CTXND1: variants seen among roughly 807,000 people sequenced by gnomAD.
The protein encoded by CTXND1 is cortexin domain-containing 1 protein.
chr15:80,238,194 C>T (rs1284582138), intron 1 of CTXND1, among the ~76,000 whole-genome samples: 2 of 152,092 alleles, frequency 1.3e-5, no homozygotes, highest in Non-Finnish European at 2.9e-5. Flanking sequence ...ACCCACCACT[C>T]AGTCAATGAC....
At chr15:80,217,721 A>G (rs1295864351) in intron 1 of CTXND1, among the ~76,000 whole-genome samples, 1 of 151,756 alleles carries the variant, frequency 6.6e-6, no homozygotes, top group African/African-American at 2.4e-5. Context: ...TAATTCTTGT[A>G]TTTTTTATAG....
chr15:80,236,776 C>T (rs115193822), intron 1 of CTXND1, among the ~76,000 whole-genome samples: 2,260 of 126,674 alleles, frequency 0.018, 52 homozygotes, highest in African/African-American at 0.066. Context: ...CAACAGGACT[C>T]GGTCTAAAAA....
At chr15:80,250,121 A>G (rs1378027526) in intron 1 of CTXND1, among the ~76,000 whole-genome samples, 1 of 152,142 alleles carries the variant, frequency 6.6e-6, no homozygotes, top group Non-Finnish European at 1.5e-5. Context: ...ACTACACACA[A>G]ACTATTTTAG....
intron 1 of CTXND1, among the ~76,000 whole-genome samples, chr15:80,204,146 CAAAAA>C (rs1173053524): frequency 0.054 from 114 of 2,128 alleles, 4 homozygotes; most frequent in African/African-American, 0.13. Flanking sequence ...GACTGTGTCT[CAAAAA>C]AAAAAAAAAA....
chr15:80,234,209 G>C (rs549767241), intron 1 of CTXND1, among the ~76,000 whole-genome samples: 1 of 152,196 alleles, frequency 6.6e-6, no homozygotes, highest in Non-Finnish European at 1.5e-5. Context: ...TTGGGGGAAG[G>C]CTTTGGGGAT....
intron 1 of CTXND1, among the ~76,000 whole-genome samples, chr15:80,230,949 T>C (rs1174189733): frequency 6.6e-6 from 1 of 151,994 alleles, no homozygotes; most frequent in Non-Finnish European, 1.5e-5. Flanking sequence ...TCCCTGCTAC[T>C]CAGGAGGCCG....
intron 1 of CTXND1, among the ~76,000 whole-genome samples, chr15:80,243,462 G>T (rs915605180): frequency 2.0e-5 from 3 of 152,168 alleles, no homozygotes; most frequent in African/African-American, 7.2e-5. Context: ...AGAGGTGGGG[G>T]CAGGTAGAAC....
At chr15:80,218,733 T>A (rs911063347) in intron 1 of CTXND1, among the ~76,000 whole-genome samples, 5 of 152,076 alleles carry the variant, frequency 3.3e-5, no homozygotes, top group Non-Finnish European at 7.4e-5. Context: ...TATTTCACCC[T>A]GCTTGTTTCC....
intron 1 of CTXND1, among the ~76,000 whole-genome samples, chr15:80,227,722 C>T (rs924194471): frequency 2.0e-5 from 3 of 152,182 alleles, no homozygotes; most frequent in South Asian, 2.1e-4. Context: ...AAAAATGCTA[C>T]TGATCATCTG....
At chr15:80,218,338 C>G (rs1038974090) in intron 1 of CTXND1, among the ~76,000 whole-genome samples, 8 of 152,242 alleles carry the variant, frequency 5.3e-5, no homozygotes, top group South Asian at 2.1e-4. Context: ...TGGAGTCTCG[C>G]TATGTTGCCT....
intron 1 of CTXND1, among the ~76,000 whole-genome samples, chr15:80,245,036 G>A (rs1410066140): frequency 2.0e-5 from 3 of 152,176 alleles, no homozygotes; most frequent in Admixed American, 1.3e-4. Context: ...GGGTAAAATA[G>A]GGGTGAGGAT....
intron 1 of CTXND1, among the ~76,000 whole-genome samples, chr15:80,226,241 G>A (rs1402772602): frequency 6.6e-6 from 1 of 152,192 alleles, no homozygotes; most frequent in Non-Finnish European, 1.5e-5. Flanking sequence ...TTAAAGCAGA[G>A]CTTTATGAAG....
At chr15:80,238,561 T>G (rs1419271906) in intron 1 of CTXND1, among the ~76,000 whole-genome samples, 1 of 150,730 alleles carries the variant, frequency 6.6e-6, no homozygotes, top group Non-Finnish European at 1.5e-5. Context: ...CTCGGCTCAC[T>G]GCAAGCTCCA....
At chr15:80,220,909 A>G (rs996967934) in intron 1 of CTXND1, among the ~76,000 whole-genome samples, 1 of 141,182 alleles carries the variant, frequency 7.1e-6, no homozygotes, top group Admixed American at 7.1e-5. Flanking sequence ...TATTATTATT[A>G]TTATTTTTTT....
rs748819936 is a variant in CTXND1, at chr15:80,199,127, G to T, written c.*2643C>A. 28 of 152,184 alleles carry T rather than the reference G, an allele frequency of 1.8e-4. No individual in the cohort carries two copies. The highest frequency in any genetic ancestry group is 2.4e-4 in the Non-Finnish European group (16 of 68,040). The allele number at this position is 152,184 out of a possible 1,614,324, so 9.4% of individuals were successfully genotyped here. A position where few individuals can be genotyped will look rare whatever the true frequency, so the allele number is the denominator to read the frequency against. On this transcript the variant is annotated 3_prime_UTR_variant, in exon 3 of 3. Transcript: ENST00000560778. ...ACTATTTCCTGTTGCCATCAAACAA[G>T]AGTCAAGAGATAAGGTGAAACCCAT...
chr15:80,230,995 T>G (rs1470276884), intron 1 of CTXND1, among the ~76,000 whole-genome samples: 1 of 151,892 alleles, frequency 6.6e-6, no homozygotes, highest in Admixed American at 6.6e-5. Flanking sequence ...GAGTCAGAGG[T>G]TGCAGTGAGC....
At chr15:80,212,155 G>A (rs1893209941) in intron 1 of CTXND1, among the ~76,000 whole-genome samples, 1 of 152,190 alleles carries the variant, frequency 6.6e-6, no homozygotes, top group African/African-American at 2.4e-5. Context: ...CACAGGATCA[G>A]GCTGAGACTT....
At chr15:80,236,712 G>A (rs974528281) in intron 1 of CTXND1, among the ~76,000 whole-genome samples, 1 of 151,908 alleles carries the variant, frequency 6.6e-6, no homozygotes, top group African/African-American at 2.4e-5. Context: ...GAACTGGGGA[G>A]GGAGAGGTTG....
At chr15:80,235,042 CTT>C in intron 1 of CTXND1, among the ~76,000 whole-genome samples, 1 of 152,288 alleles carries the variant, frequency 6.6e-6, no homozygotes, top group South Asian at 2.1e-4. Context: ...GGCTGCATGA[CTT>C]CTCTGTGTCT....
Sources: allele counts gnomAD v4.1 joint callset (sites outside exome capture counted in the v4.1 genomes callset), GRCh38; gene constraint gnomAD v4.1.1; transcripts MANE v1.5; gene names NCBI Gene and HGNC (gene_info 2026-07-23, HGNC 2026-07-21).